ASXL2: variants seen among roughly 807,000 people sequenced by gnomAD.
The protein encoded by ASXL2 is ASXL transcriptional regulator 2.
In ASXL2, 23 loss-of-function variants were observed where a neutral mutation model predicts 122.0. The ratio of observed to expected loss-of-function variants is 0.19; its 90% confidence interval spans 0.14 to 0.27. The LOEUF is 0.27. ASXL2 is among the 10% of genes least tolerant of loss of function. ASXL2 has a pLI of 1.00. For synonymous variants in ASXL2, 650 were observed against 637.0 expected (o/e 1.02, Z -0.31); for missense variants, 1,518 against 1,713.8 (o/e 0.89, Z 2.02).
At chr2:25,798,749 A>G (rs1253748968) in intron 5 of ASXL2, among the ~76,000 whole-genome samples, 1 of 152,124 alleles carries the variant, frequency 6.6e-6, no homozygotes, top group East Asian at 1.9e-4. Context: ...GGGCCACAAG[A>G]GTGGAACTCC....
intron 5 of ASXL2, among the ~76,000 whole-genome samples, chr2:25,782,045 A>G (rs2088651893): frequency 7.1e-6 from 1 of 139,864 alleles, no homozygotes; most frequent in African/African-American, 2.7e-5. Flanking sequence ...GCCTCAAGTG[A>G]TCCTCCTGCC....
intron 5 of ASXL2, 66 bp downstream of exon 5, chr2:25,799,319 G>A: frequency 6.2e-7 from 1 of 1,606,346 alleles, no homozygotes; most frequent in Non-Finnish European, 8.5e-7. Context: ...GGGAAAAGAG[G>A]AACTACTAAC....
chr2:25,812,432 C>A (rs2089183974), intron 3 of ASXL2, among the ~76,000 whole-genome samples: 1 of 152,024 alleles, frequency 6.6e-6, no homozygotes, highest in African/African-American at 2.4e-5. Flanking sequence ...TGCACTCCAG[C>A]CTGGGCAACA....
At chr2:25,798,451 T>C (rs1336658175) in intron 5 of ASXL2, among the ~76,000 whole-genome samples, 1 of 152,144 alleles carries the variant, frequency 6.6e-6, no homozygotes, top group Non-Finnish European at 1.5e-5. Flanking sequence ...AAGGTCAAAC[T>C]ATGGAAACAT....
intron 3 of ASXL2, among the ~76,000 whole-genome samples, chr2:25,812,288 A>G (rs2089180194): frequency 6.6e-6 from 1 of 151,770 alleles, no homozygotes; most frequent in African/African-American, 2.4e-5. Flanking sequence ...GTGAAACCCC[A>G]TTTCTACTAA....
At chr2:25,849,991 C>T (rs2089697206) in intron 1 of ASXL2, among the ~76,000 whole-genome samples, 1 of 152,064 alleles carries the variant, frequency 6.6e-6, no homozygotes. Flanking sequence ...AAAAAATTCA[C>T]CAAATGAGAG....
At chr2:25,806,164 C>A in intron 4 of ASXL2, 65 bp downstream of exon 4, 1 of 1,045,854 alleles carries the variant, frequency 9.6e-7, no homozygotes, top group South Asian at 1.5e-5. Context: ...CCCTACGAGT[C>A]AAATATTTAT....
chr2:25,865,902 T>C (rs2089898973), intron 1 of ASXL2, among the ~76,000 whole-genome samples: 1 of 151,790 alleles, frequency 6.6e-6, no homozygotes, highest in African/African-American at 2.4e-5. Flanking sequence ...GCATGAGACC[T>C]GAGATGTGCT....
intron 3 of ASXL2, among the ~76,000 whole-genome samples, chr2:25,811,845 G>A (rs1361735081): frequency 2.0e-5 from 3 of 151,956 alleles, no homozygotes; most frequent in African/African-American, 7.3e-5. Context: ...TCTGCCTCTC[G>A]GGTTCAAGCG....
intron 3 of ASXL2, among the ~76,000 whole-genome samples, chr2:25,818,930 C>T (rs1231809041): frequency 6.6e-6 from 1 of 152,180 alleles, no homozygotes; most frequent in East Asian, 1.9e-4. Context: ...GGTAAAGGGT[C>T]TCACATAAGT....
At chr2:25,757,672 C>T (rs1473544735) in intron 9 of ASXL2, among the ~76,000 whole-genome samples, 1 of 17,674 alleles carries the variant, frequency 5.7e-5, no homozygotes, top group Non-Finnish European at 9.1e-5. Flanking sequence ...GAGACTCCAT[C>T]TCAAAAAAAA....
intron 1 of ASXL2, among the ~76,000 whole-genome samples, chr2:25,865,308 T>C (rs1290649470): frequency 6.6e-6 from 1 of 151,624 alleles, no homozygotes; most frequent in South Asian, 2.1e-4. Context: ...GCGCGCACCT[T>C]TAAGTCCCAG....
intron 1 of ASXL2, among the ~76,000 whole-genome samples, chr2:25,848,071 C>T (rs1225924484): frequency 6.6e-6 from 1 of 152,036 alleles, no homozygotes; most frequent in Non-Finnish European, 1.5e-5. Flanking sequence ...TATGTATGCA[C>T]ACATACATCT....
intron 8 of ASXL2, among the ~76,000 whole-genome samples, chr2:25,761,958 T>C (rs934735556): frequency 1.3e-5 from 2 of 152,014 alleles, no homozygotes; most frequent in Non-Finnish European, 2.9e-5. Flanking sequence ...AAGGTAAACA[T>C]GTAGATAAAT....
At chr2:25,864,374 AAT>A (rs2089875016) in intron 1 of ASXL2, among the ~76,000 whole-genome samples, 1 of 152,148 alleles carries the variant, frequency 6.6e-6, no homozygotes, top group Non-Finnish European at 1.5e-5. Context: ...AGAGAGCTTT[AAT>A]AGACAGGTAA....
At position 25,743,820 on chromosome 2, in the gene ASXL2, A is replaced by G; in HGVS notation, c.2517T>C (p.Ala839=). 3 of 1,614,004 alleles carry G rather than the reference A, an allele frequency of 1.9e-6. No individual in the cohort carries two copies. Among genetic ancestry groups the G allele is most frequent in the East Asian group, 2.2e-5 (1 of 44,884 alleles). The change falls in exon 13 of 13, where the codon GCT becomes GCC. Residue 839 remains alanine, a synonymous_variant. Transcript: ENST00000435504. ...GAACAGGTGAGGCACCTGAGATTAG[A>G]GCAGGACCTGTTGGAGAAGGTGCTT... ...QEKAPSPTGP[A]LISGASPVHC...
rs1172350475 is a variant in ASXL2 at position 25,743,689 on chromosome 2, G to A, written c.2648C>T (p.Thr883Ile). The part of the protein sequence containing the change: ...KTDASVPVAV[T>I]PSPLTSLLTT... ...CAATAAAGATGTTAAAGGGGAGGGAGTTACAGCCACTGGCACACTAGCATC... is the reference window on the plus strand; with the variant it reads ...CAATAAAGATGTTAAAGGGGAGGGAATTACAGCCACTGGCACACTAGCATC... The change falls in exon 13 of 13, where the codon ACT becomes ATT. Residue 883 changes from threonine to isoleucine, a missense_variant. Physicochemically the swap from Thr to Ile is moderately conservative, Grantham distance 89 (BLOSUM62 -1). Transcript: ENST00000435504. 1.2e-6 allele frequency: 2 copies of A among 1,613,994 alleles called. No homozygotes were observed. Among genetic ancestry groups the A allele is most frequent in the Non-Finnish European group, 1.7e-6 (2 of 1,179,892 alleles).
intron 11 of ASXL2, among the ~76,000 whole-genome samples, chr2:25,753,058 C>G (rs1285671534): frequency 1.3e-5 from 2 of 151,476 alleles, no homozygotes; most frequent in East Asian, 3.9e-4. Context: ...ACCTCTGCCT[C>G]ACAGGTTCAA....
chr2:25,738,064 T>C lies in ASXL2; in HGVS notation c.*3965A>G, dbSNP rs1301306178. ...TTGCATTTTTCTGAAATAATCTGAGTGTCTTTAGAGTAACTTCCTTTGAAA... is the reference window on the plus strand; with the variant it reads ...TTGCATTTTTCTGAAATAATCTGAGCGTCTTTAGAGTAACTTCCTTTGAAA... On this transcript the variant is annotated 3_prime_UTR_variant, in exon 13 of 13. Transcript: ENST00000435504. 1 of 152,152 alleles carries C rather than the reference T, an allele frequency of 6.6e-6. No homozygotes were observed. The highest frequency in any genetic ancestry group is 2.4e-5 in the African/African-American group (1 of 41,440). 9.4% of individuals were successfully genotyped at this position (152,152 alleles called of 1,614,324 possible). A position where few individuals can be genotyped will look rare whatever the true frequency, so the allele number is the denominator to read the frequency against.
Sources: gnomAD v4.1 joint callset for allele counts (sites outside exome capture counted in the v4.1 genomes callset) on GRCh38, gnomAD v4.1.1 for gene constraint, MANE v1.5 for transcripts, NCBI Gene and HGNC (gene_info 2026-07-23, HGNC 2026-07-21) for gene names.